Variants in PTPRC observed in about 807,000 individuals in gnomAD.
The protein encoded by PTPRC is receptor-type tyrosine-protein phosphatase C.
A neutral mutation model predicts 155.9 loss-of-function variants in PTPRC; 44 were observed. The ratio of observed to expected loss-of-function variants is 0.28; its 90% CI spans 0.22 to 0.36. The LOEUF (loss-of-function observed/expected upper bound fraction) is 0.36. PTPRC is among the 10% of genes least tolerant of loss of function. The pLI, the probability that PTPRC is intolerant of heterozygous loss-of-function variation, is 1.00. For synonymous variants in PTPRC, 525 were observed against 533.1 expected (o/e 0.98, Z 0.21); for missense variants, 1,401 against 1,564.6 (o/e 0.90, Z 1.76).
chr1:198,728,916 C>T (rs923177627), intron 16 of PTPRC, among the ~76,000 whole-genome samples: 1 of 151,986 alleles, frequency 6.6e-6, no homozygotes, highest in Non-Finnish European at 1.5e-5. Context: ...TCACCCTCCT[C>T]TCTCCTCTCT....
intron 10 of PTPRC, 135 bp from the exon 11 acceptor site, chr1:198,709,552 A>G (rs907920201): frequency 3.8e-6 from 3 of 784,238 alleles, no homozygotes; most frequent in African/African-American, 1.8e-5. Context: ...AGGGTTTTTT[A>G]TTATTTTGGT....
intron 2 of PTPRC, among the ~76,000 whole-genome samples, chr1:198,640,884 T>C (rs1400467309): frequency 6.6e-6 from 1 of 152,034 alleles, no homozygotes; most frequent in Non-Finnish European, 1.5e-5. Context: ...AATATCCTAT[T>C]ATATGCTTAA....
At chr1:198,692,805 T>A (rs958196349) in intron 3 of PTPRC, 23 of 912,560 alleles carry the variant, frequency 2.5e-5, no homozygotes, top group Non-Finnish European at 3.0e-5. Context: ...ATGTTGCTTT[T>A]TTCAATGGTA....
At chr1:198,660,030 CATATATATATATATATATATATAT>C (rs34796231) in intron 2 of PTPRC, among the ~76,000 whole-genome samples, 10 of 115,918 alleles carry the variant, frequency 8.6e-5, no homozygotes, top group Admixed American at 3.5e-4. Flanking sequence ...TATATATGTC[CATATATATATATATATATATATAT>C]ATATATATAT....
intron 2 of PTPRC, chr1:198,660,693 T>C (rs967316351): frequency 1.3e-5 from 2 of 152,184 alleles, no homozygotes; most frequent in African/African-American, 4.8e-5. Context: ...ACATGGACTC[T>C]AGTTTCCATC....
rs1375644656 is a variant in PTPRC, at chr1:198,752,755, T to G, written c.3492T>G (p.Pro1164=). 3 of 1,612,576 alleles carry G rather than the reference T, an allele frequency of 1.9e-6. No homozygotes were observed. Among genetic ancestry groups the G allele is most frequent in the South Asian group, 1.1e-5 (1 of 91,060 alleles). Residue 1164 remains proline (P), a synonymous_variant, in exon 31 of 33, where the codon CCT becomes CCG. Coordinates refer to ENST00000442510, the MANE Select transcript of PTPRC (RefSeq NM_002838.5). ...SEGNKHHKST[P]LLIHCRDGSQ... ...GGAACAAGCATCACAAGAGTACACC[T>G]CTACTCATTCACTGCAGGTGCGTGG...
chr1:198,645,540 T>C (rs899663579), intron 2 of PTPRC, among the ~76,000 whole-genome samples: 18 of 151,762 alleles, frequency 1.2e-4, no homozygotes. Flanking sequence ...TCCTCATCTA[T>C]AAAGTGTTGT....
intron 15 of PTPRC, among the ~76,000 whole-genome samples, chr1:198,726,147 C>T (rs1345275545): frequency 5.3e-5 from 8 of 152,154 alleles, no homozygotes; most frequent in Admixed American, 3.3e-4. Context: ...AACTTACAGT[C>T]ATTTGCAGTT....
intron 32 of PTPRC, 191 bp downstream of exon 32, chr1:198,754,595 T>TAAG (rs67999639): frequency 1.1e-5 from 7 of 621,650 alleles, no homozygotes; most frequent in Admixed American, 3.9e-5. Context: ...TAAATTATTA[T>TAAG]AAGTCTAAAT....
intron 12 of PTPRC, among the ~76,000 whole-genome samples, chr1:198,716,317 A>G (rs1653582799): frequency 6.6e-6 from 1 of 152,220 alleles, no homozygotes. Context: ...AAGGTTTTCT[A>G]AAAAAGAATC....
intron 26 of PTPRC, among the ~76,000 whole-genome samples, chr1:198,744,859 G>A (rs532819734): frequency 1.3e-5 from 2 of 151,826 alleles, no homozygotes; most frequent in East Asian, 2.0e-4. Flanking sequence ...AAGACCAGGA[G>A]TGTGCTTTTA....
intron 2 of PTPRC, among the ~76,000 whole-genome samples, chr1:198,671,598 G>C (rs1011347955): frequency 6.6e-6 from 1 of 152,126 alleles, no homozygotes; most frequent in Non-Finnish European, 1.5e-5. Context: ...CAGTTCTGCT[G>C]TCTTTTTTGT....
At chr1:198,672,532 C>A (rs992490498) in intron 2 of PTPRC, among the ~76,000 whole-genome samples, 1 of 152,096 alleles carries the variant, frequency 6.6e-6, no homozygotes. Flanking sequence ...TGCAGAGGCG[C>A]CATCTGGGCT....
chr1:198,662,295 TTTCTTA>T (rs1298212959), intron 2 of PTPRC, among the ~76,000 whole-genome samples: 1 of 152,244 alleles, frequency 6.6e-6, no homozygotes, highest in Admixed American at 6.5e-5. Flanking sequence ...TGTATATGTA[TTTCTTA>T]TTCTTATTTT....
intron 15 of PTPRC, among the ~76,000 whole-genome samples, chr1:198,724,102 T>C (rs950218552): frequency 1.3e-5 from 2 of 152,210 alleles, no homozygotes. Flanking sequence ...ATTCCACTTT[T>C]ATCAGGTTTC....
At chr1:198,649,957 C>T (rs1663154596) in intron 2 of PTPRC, among the ~76,000 whole-genome samples, 1 of 151,820 alleles carries the variant, frequency 6.6e-6, no homozygotes, top group African/African-American at 2.4e-5. Context: ...GGTGAATGCA[C>T]TTTTAGACAG....
chr1:198,755,852 A>AAAAT, intron 32 of PTPRC, 54 bp from the exon 33 acceptor site: 1 of 1,531,992 alleles, frequency 6.5e-7, no homozygotes, highest in Non-Finnish European at 9.0e-7. Flanking sequence ...ATCTGGCATA[A>AAAAT]AAATAATGAC....
intron 5 of PTPRC, 63 bp from the exon 6 acceptor site, chr1:198,702,324 A>G (rs1256802632): frequency 2.4e-5 from 39 of 1,605,654 alleles, no homozygotes; most frequent in Non-Finnish European, 2.5e-5. Context: ...TATGTTGGCT[A>G]TCTGGCTATT....
chr1:198,734,676 T>C (rs1040038028), intron 22 of PTPRC, among the ~76,000 whole-genome samples: 1 of 151,812 alleles, frequency 6.6e-6, no homozygotes, highest in African/African-American at 2.4e-5. Context: ...TTGATTCCTG[T>C]TTCTTTGCAG....
Sources: allele counts gnomAD v4.1 joint callset (sites outside exome capture counted in the v4.1 genomes callset), GRCh38; gene constraint gnomAD v4.1.1; transcripts MANE v1.5; gene names NCBI Gene and HGNC (gene_info 2026-07-23, HGNC 2026-07-21).